CNTN4: variants seen among roughly 807,000 people sequenced by gnomAD.
CNTN4 encodes contactin 4.
In CNTN4, 77 loss-of-function variants were observed where a neutral mutation model predicts 122.5. The observed-to-expected ratio is 0.63, with a 90% CI of 0.52 to 0.76. The LOEUF is 0.76. CNTN4 is among the 30% of genes least tolerant of loss of function. The pLI, the probability that CNTN4 is intolerant of heterozygous loss-of-function variation, is 0.00. For missense variants in CNTN4, 1,256 were observed against 1,259.1 expected, an observed-to-expected ratio of 1.00 and a Z score of 0.04; for synonymous variants, 512 against 447.0, an observed-to-expected ratio of 1.15 and a Z score of -1.83.
intron 14 of CNTN4, among the ~76,000 whole-genome samples, chr3:3,000,745 TATC>T (rs898481197): frequency 6.6e-6 from 1 of 152,206 alleles, no homozygotes; most frequent in African/African-American, 2.4e-5. Flanking sequence ...TCTGAAATGT[TATC>T]ATTCTCTGAT....
rs547297519 is a variant in CNTN4 at position 2,210,203 on chromosome 3, A to C, written c.-145+109564A>C. On this transcript the variant is annotated intron_variant, in intron 2 of 24. Transcript: ENST00000418658. ...GGAATATGTGAAGCTGATTTTAAAAAATGATATGATAGATCTGTATTTACC... is the reference window on the plus strand; with the variant it reads ...GGAATATGTGAAGCTGATTTTAAAACATGATATGATAGATCTGTATTTACC... 4.0e-4 allele frequency among the ~76,000 whole-genome samples: 61 copies of C among 152,332 alleles called. 1 individual carries two copies. The South Asian group carries it at 0.012, about 30-fold the overall frequency.
chr3:2,182,763 G>T (rs952360205), intron 2 of CNTN4, among the ~76,000 whole-genome samples: 1 of 151,384 alleles, frequency 6.6e-6, no homozygotes, highest in Non-Finnish European at 1.5e-5. Context: ...CAAAACTTCC[G>T]CATAAGTTTG....
intron 7 of CNTN4, among the ~76,000 whole-genome samples, chr3:2,863,595 A>G (rs1370152585): frequency 6.6e-6 from 1 of 152,104 alleles, no homozygotes; most frequent in African/African-American, 2.4e-5. Flanking sequence ...CTGAAGTAAT[A>G]CAGTTAATAA....
chr3:2,155,151 A>G (rs2035662918), intron 2 of CNTN4, among the ~76,000 whole-genome samples: 1 of 152,206 alleles, frequency 6.6e-6, no homozygotes, highest in Non-Finnish European at 1.5e-5. Context: ...CTTACACATA[A>G]TCTTCTCATT....
chr3:2,673,376 A>T (rs1370549883), intron 4 of CNTN4, among the ~76,000 whole-genome samples: 1 of 152,052 alleles, frequency 6.6e-6, no homozygotes, highest in Non-Finnish European at 1.5e-5. Context: ...TATAACCCTG[A>T]ATTCCTCCTA....
At chr3:2,800,221 T>C (rs1018330892) in intron 6 of CNTN4, among the ~76,000 whole-genome samples, 2 of 152,154 alleles carry the variant, frequency 1.3e-5, no homozygotes, top group Non-Finnish European at 2.9e-5. Flanking sequence ...AATCTGTAGA[T>C]TGCTTTGGAT....
intron 2 of CNTN4, among the ~76,000 whole-genome samples, chr3:2,270,397 T>C (rs2041243910): frequency 6.6e-6 from 1 of 151,936 alleles, no homozygotes; most frequent in South Asian, 2.1e-4. Flanking sequence ...CAGTTTAAAG[T>C]GTGTACATTG....
At chr3:2,932,918 G>T (rs1405576616) in intron 13 of CNTN4, among the ~76,000 whole-genome samples, 1 of 152,086 alleles carries the variant, frequency 6.6e-6, no homozygotes, top group South Asian at 2.1e-4. Context: ...CGCCTCCCGG[G>T]TTCACATCAT....
chr3:2,142,229 T>G (rs759229389), intron 2 of CNTN4, among the ~76,000 whole-genome samples: 23 of 152,248 alleles, frequency 1.5e-4, no homozygotes, highest in Non-Finnish European at 3.1e-4. Context: ...TTTCTACATA[T>G]GACTGGCACA....
intron 4 of CNTN4, among the ~76,000 whole-genome samples, chr3:2,671,214 C>G (rs1038058609): frequency 6.6e-6 from 1 of 152,224 alleles, no homozygotes; most frequent in African/African-American, 2.4e-5. Context: ...CTCCCCGTCA[C>G]TTTCAGGTAC....
chr3:2,669,675 T>C (rs2084386166), intron 4 of CNTN4, among the ~76,000 whole-genome samples: 1 of 152,224 alleles, frequency 6.6e-6, no homozygotes, highest in Non-Finnish European at 1.5e-5. Context: ...GTTCTTTTAA[T>C]TGTGATGTTA....
intron 3 of CNTN4, among the ~76,000 whole-genome samples, chr3:2,479,865 T>A (rs2075939341): frequency 6.6e-6 from 1 of 152,140 alleles, no homozygotes; most frequent in Non-Finnish European, 1.5e-5. Flanking sequence ...AGCAAAATCC[T>A]CTACAAAATC....
At chr3:2,292,319 A>T (rs771889827) in intron 2 of CNTN4, among the ~76,000 whole-genome samples, 10 of 152,206 alleles carry the variant, frequency 6.6e-5, no homozygotes, top group Non-Finnish European at 1.3e-4. Flanking sequence ...AATAATTGTC[A>T]CTTAGGATTT....
intron 4 of CNTN4, among the ~76,000 whole-genome samples, chr3:2,690,154 A>G (rs1309077569): frequency 3.3e-5 from 5 of 152,182 alleles, no homozygotes; most frequent in African/African-American, 4.8e-5. Flanking sequence ...GTAAATTTAT[A>G]TTCTATTAGC....
intron 2 of CNTN4, among the ~76,000 whole-genome samples, chr3:2,237,354 A>G (rs1037736389): frequency 4.6e-5 from 7 of 152,134 alleles, no homozygotes; most frequent in Admixed American, 4.6e-4. Flanking sequence ...TCCTGTTTGT[A>G]GTCCCAGAAA....
chr3:2,828,391 T>C (rs1391840620), intron 7 of CNTN4, among the ~76,000 whole-genome samples: 1 of 152,144 alleles, frequency 6.6e-6, no homozygotes, highest in Non-Finnish European at 1.5e-5. Flanking sequence ...AAATCAGTGA[T>C]TCAGAAAAGG....
At chr3:2,683,795 A>G (rs1399933526) in intron 4 of CNTN4, among the ~76,000 whole-genome samples, 1 of 152,146 alleles carries the variant, frequency 6.6e-6, no homozygotes, top group Non-Finnish European at 1.5e-5. Context: ...CCTTTCAGGT[A>G]GTGGTTATTT....
Position 2,424,822 on chromosome 3 carries a change from G to A in CNTN4, c.-89+85589G>A, listed in dbSNP as rs536885918. 5.3e-5 allele frequency among the ~76,000 whole-genome samples: 8 copies of A among 152,282 alleles called. No homozygotes were observed. The South Asian group carries it at 1.0e-3, about 20-fold the overall frequency. On this transcript the variant is annotated intron_variant, in intron 3 of 24. Coordinates refer to ENST00000418658, the MANE Select transcript of CNTN4 (RefSeq NM_175607.3). The stretch of plus-strand genomic sequence containing the variant: ...TGCATTTCTCTGATGGCCAGTGATG[G>A]TGAGCATTTTTTCATGTGTCTGTTG...
At chr3:3,037,915 A>T (rs1269497135) in intron 18 of CNTN4, among the ~76,000 whole-genome samples, 3 of 152,212 alleles carry the variant, frequency 2.0e-5, no homozygotes, top group Admixed American at 6.6e-5. Flanking sequence ...GGAGAGAAGA[A>T]CAAGTTCATC....
Sources: allele counts gnomAD v4.1 joint callset (sites outside exome capture counted in the v4.1 genomes callset), GRCh38; gene constraint gnomAD v4.1.1; transcripts MANE v1.5; gene names NCBI Gene and HGNC (gene_info 2026-07-23, HGNC 2026-07-21).